Variants in CPPED1 observed in about 807,000 individuals in gnomAD.
CPPED1 encodes the protein serine/threonine-protein phosphatase CPPED1.
In CPPED1, 28 loss-of-function variants were observed where a neutral mutation model predicts 28.0. That is an observed-to-expected ratio of 1.00 (90% CI 0.74 to 1.37). The LOEUF is 1.37. Among genes scored for constraint, CPPED1 ranks in the 40% most tolerant of loss-of-function variants. CPPED1 has a pLI of 0.00. For synonymous variants in CPPED1, 198 were observed against 180.2 expected (o/e 1.10, Z -0.79); for missense variants, 504 against 416.5 (o/e 1.21, Z -1.83).
intron 2 of CPPED1, among the ~76,000 whole-genome samples, chr16:12,772,427 C>T (rs2141233487): frequency 6.6e-6 from 1 of 152,336 alleles, no homozygotes; most frequent in African/African-American, 2.4e-5. Context: ...GCCATATCTG[C>T]ACAAATCCAG....
At chr16:12,790,886 C>T (rs2080591997) in intron 1 of CPPED1, among the ~76,000 whole-genome samples, 1 of 142,764 alleles carries the variant, frequency 7.0e-6, no homozygotes, top group African/African-American at 2.6e-5. Flanking sequence ...CACCACTGCA[C>T]TCCAGCCTGG....
At chr16:12,714,776 G>C (rs564212263) in intron 2 of CPPED1, among the ~76,000 whole-genome samples, 1 of 151,602 alleles carries the variant, frequency 6.6e-6, no homozygotes, top group Admixed American at 6.6e-5. Context: ...TGTCCTTTGA[G>C]GTACAAAATA....
chr16:12,696,667 T>G (rs1240646304), intron 3 of CPPED1, among the ~76,000 whole-genome samples: 1 of 152,020 alleles, frequency 6.6e-6, no homozygotes, highest in African/African-American at 2.4e-5. Flanking sequence ...GGTCTCGAAC[T>G]CCTGACCTCA....
At chr16:12,703,668 C>T (rs958306182) in intron 3 of CPPED1, among the ~76,000 whole-genome samples, 36 of 98,474 alleles carry the variant, frequency 3.7e-4, no homozygotes, top group African/African-American at 1.4e-3. Flanking sequence ...GGCAACAGAA[C>T]AAGACTTTGT....
intron 2 of CPPED1, chr16:12,745,763 A>C (rs542492313): frequency 3.1e-4 from 47 of 152,372 alleles, no homozygotes; most frequent in African/African-American, 1.1e-3. Flanking sequence ...TATGTATAGC[A>C]AACCTGTTAC....
chr16:12,675,112 G>A (rs1184908612), intron 3 of CPPED1, among the ~76,000 whole-genome samples: 2 of 152,206 alleles, frequency 1.3e-5, no homozygotes, highest in East Asian at 1.9e-4. Flanking sequence ...TTTTGATAGG[G>A]AAGCACTGAT....
chr16:12,710,324 C>T (rs1007065114), intron 2 of CPPED1, among the ~76,000 whole-genome samples: 1 of 152,162 alleles, frequency 6.6e-6, no homozygotes, highest in Non-Finnish European at 1.5e-5. Context: ...AAAATTAATT[C>T]CCAGACATCT....
At chr16:12,786,684 G>T (rs938204446) in intron 1 of CPPED1, among the ~76,000 whole-genome samples, 1 of 152,198 alleles carries the variant, frequency 6.6e-6, no homozygotes, top group Non-Finnish European at 1.5e-5. Flanking sequence ...ACTTTGGGAG[G>T]CCGAGGCGGG....
intron 2 of CPPED1, among the ~76,000 whole-genome samples, chr16:12,706,184 G>T (rs1404190718): frequency 6.6e-6 from 1 of 151,752 alleles, no homozygotes; most frequent in African/African-American, 2.4e-5. Flanking sequence ...ATAATATAAG[G>T]CACAGAGGAA....
chr16:12,678,985 A>T (rs2079891766), intron 3 of CPPED1, among the ~76,000 whole-genome samples: 2 of 152,152 alleles, frequency 1.3e-5, no homozygotes, highest in Non-Finnish European at 2.9e-5. Context: ...CCTATTTTTT[A>T]GACTTTTGAT....
At chr16:12,708,352 G>A (rs540395013) in intron 2 of CPPED1, among the ~76,000 whole-genome samples, 10 of 152,180 alleles carry the variant, frequency 6.6e-5, no homozygotes, top group African/African-American at 2.2e-4. Context: ...GTTTCATCGT[G>A]TATGAAATGG....
At chr16:12,776,687 G>A (rs1318977957) in intron 2 of CPPED1, among the ~76,000 whole-genome samples, 2 of 152,170 alleles carry the variant, frequency 1.3e-5, no homozygotes, top group African/African-American at 4.8e-5. Context: ...TTGGGAGGCT[G>A]AGGCAGGTGG....
intron 2 of CPPED1, chr16:12,745,723 A>C (rs1396026312): frequency 6.6e-6 from 1 of 152,270 alleles, no homozygotes; most frequent in Non-Finnish European, 1.5e-5. Context: ...ACCATTGGGT[A>C]CTGAGCTGAA....
At chr16:12,717,613 T>C (rs1256429232) in intron 2 of CPPED1, among the ~76,000 whole-genome samples, 1 of 151,734 alleles carries the variant, frequency 6.6e-6, no homozygotes, top group Non-Finnish European at 1.5e-5. Flanking sequence ...TGTGTTGAAA[T>C]AGAGACAGAC....
At position 12,781,172 on chromosome 16, in the gene CPPED1, AC is replaced by A; in HGVS notation, c.289+12del. On this transcript the variant is annotated intron_variant, in intron 2 of 3. Transcript: ENST00000381774. ...GAAGGAGAAAAGGTCACAAGCGATG[AC>A]CCGAGTCTTACCTGGCATGGCGTGG... is the stretch of plus-strand genomic sequence containing the variant. 2 of 1,607,574 alleles carry A rather than the reference AC, an allele frequency of 1.2e-6. No homozygotes were observed. The highest frequency in any genetic ancestry group is 2.2e-5 in the East Asian group (1 of 44,586).
intron 1 of CPPED1, among the ~76,000 whole-genome samples, chr16:12,788,354 AC>A (rs1230198542): frequency 3.9e-5 from 6 of 152,154 alleles, no homozygotes; most frequent in African/African-American, 1.4e-4. Flanking sequence ...AGTCTCACAT[AC>A]TTAACTTATC....
At chr16:12,801,445 CT>C (rs1596491204) in intron 1 of CPPED1, among the ~76,000 whole-genome samples, 1 of 151,820 alleles carries the variant, frequency 6.6e-6, no homozygotes, top group East Asian at 1.9e-4. Context: ...ACAAATATTT[CT>C]TGAACTGAAA....
intron 2 of CPPED1, among the ~76,000 whole-genome samples, chr16:12,769,854 G>T (rs1211899612): frequency 6.6e-6 from 1 of 152,148 alleles, no homozygotes; most frequent in Non-Finnish European, 1.5e-5. Context: ...ATGTTTCTCT[G>T]TGTTAAACTG....
chr16:12,703,460 T>G (rs1021999173), intron 3 of CPPED1, among the ~76,000 whole-genome samples: 1 of 152,062 alleles, frequency 6.6e-6, no homozygotes, highest in Non-Finnish European at 1.5e-5. Flanking sequence ...GGTGGGTGAA[T>G]CACTTGGGGT....
Sources: gnomAD v4.1 joint callset for allele counts (sites outside exome capture counted in the v4.1 genomes callset) on GRCh38, gnomAD v4.1.1 for gene constraint, MANE v1.5 for transcripts, NCBI Gene and HGNC (gene_info 2026-07-23, HGNC 2026-07-21) for gene names.